TXN2: variants seen among roughly 807,000 people sequenced by gnomAD.
TXN2 encodes the protein thioredoxin, mitochondrial.
TXN2 carries 12 observed loss-of-function variants against 14.6 expected under a neutral mutation model. That is an observed-to-expected ratio of 0.82 (90% confidence interval 0.53 to 1.33). TXN2 has a LOEUF of 1.33. TXN2 is among the 40% of genes most tolerant of loss of function. TXN2 has a pLI of 0.00. For missense variants in TXN2, 173 were observed against 207.7 expected (o/e 0.83, Z 1.03); for synonymous variants, 89 against 81.0 (o/e 1.10, Z -0.53).
chr22:36,467,862 A>T lies in TXN2; in HGVS notation c.443T>A (p.Phe148Tyr), dbSNP rs1385441399. ...AMKNGDVVDKFVGIKDEDQLE... is the reference protein window; with the variant it reads ...AMKNGDVVDKYVGIKDEDQLE... The stretch of plus-strand genomic sequence containing the variant: ...CTGATCCTCATCCTTGATGCCCACA[A>T]ACTTGTCCACCACGTCCCCATTCTT... The change falls in exon 4 of 4, where the codon TTT (phenylalanine) becomes TAT (tyrosine). Residue 148 changes from phenylalanine (F) to tyrosine (Y), a missense_variant. Coordinates refer to ENST00000216185, the MANE Select transcript of TXN2 (RefSeq NM_012473.4). The T allele has an allele frequency of 1.2e-6, 2 of 1,614,210 alleles. No homozygotes were observed. The highest frequency in any genetic ancestry group is 2.2e-5 in the East Asian group (1 of 44,884).
chr22:36,478,924 C>T (rs906829239), intron 2 of TXN2, among the ~76,000 whole-genome samples: 4 of 151,900 alleles, frequency 2.6e-5, no homozygotes, highest in African/African-American at 9.7e-5. Flanking sequence ...TGCAGTCCAG[C>T]CTGGGTGACA....
chr22:36,467,966 C>T (rs909940082), intron 3 of TXN2, 49 bp from the exon 4 acceptor site: 3 of 1,496,552 alleles, frequency 2.0e-6, no homozygotes, highest in East Asian at 2.3e-5. Context: ...GTGAATACTT[C>T]TCAACTGCCA....
intron 2 of TXN2, among the ~76,000 whole-genome samples, chr22:36,478,130 C>T (rs1933425054): frequency 9.8e-6 from 1 of 101,554 alleles, no homozygotes; most frequent in African/African-American, 4.3e-5. Flanking sequence ...GAGACTCTGT[C>T]TCAAAAAAAA....
At chr22:36,472,672 G>T (rs764002622) in intron 3 of TXN2, among the ~76,000 whole-genome samples, 1 of 152,098 alleles carries the variant, frequency 6.6e-6, no homozygotes, top group East Asian at 1.9e-4. Flanking sequence ...GGGGGTTAAG[G>T]GGGTGAGGGG....
At chr22:36,469,363 C>T (rs183877125) in intron 3 of TXN2, among the ~76,000 whole-genome samples, 4 of 152,162 alleles carry the variant, frequency 2.6e-5, no homozygotes, top group African/African-American at 7.2e-5. Context: ...ACAGGCCCCA[C>T]GAGAGCACAT....
At chr22:36,473,580 G>T (rs1933326065) in intron 3 of TXN2, among the ~76,000 whole-genome samples, 1 of 152,202 alleles carries the variant, frequency 6.6e-6, no homozygotes, top group Non-Finnish European at 1.5e-5. Flanking sequence ...GGGAGAGAGG[G>T]AGGGGGTCAG....
chr22:36,471,750 T>C (rs1033961805), intron 3 of TXN2, among the ~76,000 whole-genome samples: 34 of 152,052 alleles, frequency 2.2e-4, no homozygotes, highest in Admixed American at 1.9e-3. Context: ...AGGTGAATCA[T>C]CTGAGGTCAG....
chr22:36,472,343 A>T (rs1364626746), intron 3 of TXN2, among the ~76,000 whole-genome samples: 1 of 152,178 alleles, frequency 6.6e-6, no homozygotes, highest in South Asian at 2.1e-4. Flanking sequence ...ATGACTCTGG[A>T]TGATGCTAGA....
chr22:36,475,910 TTCTC>T (rs56741426), intron 3 of TXN2, among the ~76,000 whole-genome samples: 2,078 of 152,250 alleles, frequency 0.014, 45 homozygotes, highest in African/African-American at 0.048. Context: ...AGCTCAGAGG[TTCTC>T]TCTAACGTGA....
chr22:36,476,660 C>G, intron 3 of TXN2, 73 bp downstream of exon 3: 1 of 1,601,974 alleles, frequency 6.2e-7, no homozygotes, highest in Non-Finnish European at 8.5e-7. Flanking sequence ...CAAGATACCT[C>G]CTACACCAGC....
intron 2 of TXN2, 127 bp from the exon 3 acceptor site, chr22:36,476,983 AATTAACAC>A: frequency 6.8e-7 from 1 of 1,461,984 alleles, no homozygotes; most frequent in Non-Finnish European, 9.1e-7. Context: ...CATGTTTAAA[AATTAACAC>A]ACCAAATGGT....
At chr22:36,468,552 T>G in intron 3 of TXN2, 1 of 348,594 alleles carries the variant, frequency 2.9e-6, no homozygotes, top group South Asian at 2.1e-5. Flanking sequence ...AGTGAGACCC[T>G]TTGTTTACTA....
chr22:36,477,247 C>T (rs1033683351), intron 2 of TXN2, among the ~76,000 whole-genome samples: 1 of 152,014 alleles, frequency 6.6e-6, no homozygotes, highest in Non-Finnish European at 1.5e-5. Context: ...TCGCTCTATC[C>T]CCCAGGCTGG....
At chr22:36,468,564 A>C (rs116436819) in intron 3 of TXN2, 8,351 of 350,106 alleles carry the variant, frequency 0.024, 630 homozygotes, top group African/African-American at 0.17. Context: ...TGTTTACTAA[A>C]CCCCCCCAAA....
intron 3 of TXN2, among the ~76,000 whole-genome samples, chr22:36,476,028 C>A (rs1449769003): frequency 6.6e-6 from 1 of 152,180 alleles, no homozygotes; most frequent in African/African-American, 2.4e-5. Flanking sequence ...TTTCTACCTG[C>A]TGTTCTCTCC....
At chr22:36,472,980 C>T (rs1933313325) in intron 3 of TXN2, among the ~76,000 whole-genome samples, 1 of 152,048 alleles carries the variant, frequency 6.6e-6, no homozygotes, top group Non-Finnish European at 1.5e-5. Flanking sequence ...TCAGGACACC[C>T]AGCCCTGGCA....
At chr22:36,480,380 G>C (rs1370485563) in intron 2 of TXN2, among the ~76,000 whole-genome samples, 195 bp downstream of exon 2, 2 of 152,250 alleles carry the variant, frequency 1.3e-5, no homozygotes, top group Non-Finnish European at 2.9e-5. Context: ...AGCACTAACA[G>C]TCAGCTTTGC....
intron 2 of TXN2, 57 bp downstream of exon 2, chr22:36,480,518 T>C: frequency 6.3e-7 from 1 of 1,578,790 alleles, no homozygotes; most frequent in Non-Finnish European, 8.6e-7. Context: ...ACAGCAGGCA[T>C]TCAATAAATA....
At chr22:36,480,424 C>T in intron 2 of TXN2, 151 bp downstream of exon 2, 1 of 897,360 alleles carries the variant, frequency 1.1e-6, no homozygotes, top group Non-Finnish European at 1.6e-6. Flanking sequence ...CACCAGACTG[C>T]ATTCCCCTTG....
Sources: gnomAD v4.1 joint callset for allele counts (sites outside exome capture counted in the v4.1 genomes callset) on GRCh38, gnomAD v4.1.1 for gene constraint, MANE v1.5 for transcripts, NCBI Gene and HGNC (gene_info 2026-07-23, HGNC 2026-07-21) for gene names.